The following DNAH5 variants were observed in gnomAD, a reference collection of about 807,000 sequenced individuals.
The protein encoded by DNAH5 is dynein axonemal heavy chain 5, also known as axonemal beta dynein heavy chain 5.
Under a neutral mutation model 518.2 loss-of-function variants are expected in DNAH5, and 372 were observed. The ratio of observed to expected loss-of-function variants is 0.72; its 90% CI spans 0.66 to 0.78. The LOEUF is 0.78. DNAH5 is among the 30% of genes least tolerant of loss of function. The pLI, the probability that DNAH5 is intolerant of heterozygous loss-of-function variation, is 0.00. For synonymous variants in DNAH5, 2,039 were observed against 2,025.9 expected (o/e 1.01, Z -0.17); for missense variants, 5,523 against 5,687.0 (o/e 0.97, Z 0.93).
intron 30 of DNAH5, among the ~76,000 whole-genome samples, chr5:13,852,253 C>T (rs1450993793): frequency 3.9e-5 from 6 of 152,084 alleles, no homozygotes; most frequent in South Asian, 2.1e-4. Context: ...CTGCAACCTC[C>T]GCCTCCCAGG....
rs1482888129 is a variant in DNAH5, at chr5:13,841,839, G to A, written c.5337C>T (p.Val1779=). The change falls in exon 33 of 79, where the codon GTC becomes GTT. Residue 1779 remains valine, a synonymous_variant. Transcript: ENST00000265104. ...AAACTTCCACATTGCCCTCTGCCAT[G>A]ACAGGTTTATCCAATTCAATCGTCT... The part of the protein sequence containing the change: ...EGETIELDKP[V]MAEGNVEVWL... The A allele has an allele frequency of 6.3e-7, 1 of 1,595,542 alleles. No individual in the cohort carries two copies. The highest frequency in any genetic ancestry group is 8.5e-7 in the Non-Finnish European group (1 of 1,173,430).
At chr5:13,805,731 A>G (rs950740019) in intron 47 of DNAH5, among the ~76,000 whole-genome samples, 1 of 152,134 alleles carries the variant, frequency 6.6e-6, no homozygotes. Context: ...ACTTACTTGT[A>G]TCTTTGCAAG....
Position 13,792,227 on chromosome 5 carries a change from G to A in DNAH5, c.8225-10C>T, listed in dbSNP as rs1266452931. On this transcript the variant is annotated splice_polypyrimidine_tract_variant and intron_variant, in intron 49 of 78. Transcript: ENST00000265104. ...CCTACCCCAATCACACCTGAAAAGG[G>A]GGAAATTACAGCATTTTGATTAGCC... 6.2e-7 allele frequency: 1 copy of A among 1,605,668 alleles called. No individual in the cohort carries two copies. Among genetic ancestry groups the A allele is most frequent in the East Asian group, 2.2e-5 (1 of 44,788 alleles).
At chr5:13,778,496 A>G (rs141281823) in intron 53 of DNAH5, among the ~76,000 whole-genome samples, 1,061 of 84,324 alleles carry the variant, frequency 0.013, 30 homozygotes, top group East Asian at 0.019. Context: ...GGAAGGAAGG[A>G]AGGGAGGGAG....
intron 41 of DNAH5, among the ~76,000 whole-genome samples, chr5:13,819,522 C>T (rs908418641): frequency 2.0e-5 from 3 of 152,074 alleles, no homozygotes; most frequent in Non-Finnish European, 2.9e-5. Flanking sequence ...CCTGAAAGCC[C>T]ACCCAGGTAC....
In DNAH5 at chr5:13,829,779, T is replaced by C. The variant is rs145814697; in HGVS notation, c.6250-75A>G. On this transcript the variant is annotated intron_variant, in intron 37 of 78. Coordinates refer to ENST00000265104, the MANE Select transcript of DNAH5 (RefSeq NM_001369.3). The stretch of plus-strand genomic sequence containing the variant: ...CAGCATCATATTAAAAGATTCATTA[T>C]GTACACACAACAAATCTGGAATGAC... 3.0e-3 allele frequency: 4,295 copies of C among 1,425,276 alleles called. 9 individuals carry two copies. Among genetic ancestry groups the C allele is most frequent in the Non-Finnish European group, 3.4e-3 (3,418 of 1,014,456 alleles). 88.3% of individuals were successfully genotyped at this position (1,425,276 alleles called of 1,614,324 possible).
intron 17 of DNAH5, among the ~76,000 whole-genome samples, chr5:13,888,260 T>G (rs1247771733): frequency 6.6e-6 from 1 of 152,178 alleles, no homozygotes; most frequent in East Asian, 1.9e-4. Context: ...TTTCTTCCTC[T>G]CTACTAATTT....
chr5:13,780,753 C>A (rs1754981107), intron 53 of DNAH5, 76 bp downstream of exon 53: 1 of 1,497,836 alleles, frequency 6.7e-7, no homozygotes, highest in Non-Finnish European at 9.3e-7. Context: ...AAGAGAAATG[C>A]ATTTGAACTT....
chr5:13,778,596 A>AAGAAAGAAAGAAAGAAAAAGAAAGAAAG (rs768853052), intron 53 of DNAH5, among the ~76,000 whole-genome samples: 13 of 102,238 alleles, frequency 1.3e-4, no homozygotes, highest in African/African-American at 3.7e-4. Context: ...GAAAGAAAGA[A>AAGAAAGAAAGAAAGAAAAAGAAAGAAAG]AGAGAGAGAG....
intron 47 of DNAH5, among the ~76,000 whole-genome samples, chr5:13,796,343 T>C (rs1178128216): frequency 6.6e-6 from 1 of 152,212 alleles, no homozygotes; most frequent in Non-Finnish European, 1.5e-5. Context: ...ATAAGCAACT[T>C]CAGCAAAGTC....
chr5:13,914,413 G>T, intron 10 of DNAH5, 107 bp downstream of exon 10: 1 of 1,314,940 alleles, frequency 7.6e-7, no homozygotes, highest in Non-Finnish European at 1.1e-6. Context: ...AAGAATCACT[G>T]TTCTTTTTAT....
At chr5:13,754,517 C>G (rs1019212137) in intron 61 of DNAH5, among the ~76,000 whole-genome samples, 179 bp from the exon 62 acceptor site, 5 of 152,092 alleles carry the variant, frequency 3.3e-5, no homozygotes, top group African/African-American at 1.2e-4. Context: ...CTCTCCTTTG[C>G]CCTGTCCTCT....
At chr5:13,722,194 G>C (rs916011142) in intron 70 of DNAH5, among the ~76,000 whole-genome samples, 1 of 152,186 alleles carries the variant, frequency 6.6e-6, no homozygotes. Context: ...AACAGCTTCA[G>C]ATGGAGCTTC....
At chr5:13,918,343 G>A (rs551002234) in intron 7 of DNAH5, among the ~76,000 whole-genome samples, 2 of 152,168 alleles carry the variant, frequency 1.3e-5, no homozygotes, top group East Asian at 3.9e-4. Context: ...TCTTCCCCGC[G>A]TTGAGCCCTA....
chr5:13,966,613 T>A (rs1418587690), intron 1 of DNAH5, among the ~76,000 whole-genome samples: 1 of 152,226 alleles, frequency 6.6e-6, no homozygotes, highest in African/African-American at 2.4e-5. Context: ...TGATCATTAG[T>A]GATGTTGGGC....
chr5:13,769,439 C>A (rs1753004235), intron 57 of DNAH5, 62 bp downstream of exon 57: 1 of 1,309,632 alleles, frequency 7.6e-7, no homozygotes, highest in Admixed American at 1.7e-5. Context: ...ATGCATAGAT[C>A]ATTAACACTT....
intron 25 of DNAH5, 147 bp downstream of exon 25, chr5:13,867,627 T>C (rs1769465178): frequency 2.7e-6 from 2 of 736,418 alleles, no homozygotes; most frequent in Non-Finnish European, 2.4e-6. Context: ...AAAAAAAATG[T>C]TTTTCTCTCA....
In DNAH5 at chr5:13,867,767, G is replaced by C; in HGVS notation, c.4053+7C>G. The C allele has an allele frequency of 1.9e-6, 3 of 1,608,516 alleles. 1 individual carries two copies. In the South Asian group the frequency reaches 3.3e-5, roughly 18 times the overall value. The stretch of plus-strand genomic sequence containing the variant: ...GAAAACGCACACAGAGAAAGCCAGA[G>C]ACATACCAAATCATAGTCCAGATAA... On this transcript the variant is annotated splice_region_variant and intron_variant, in intron 25 of 78. Coordinates refer to ENST00000265104, the MANE Select transcript of DNAH5 (RefSeq NM_001369.3).
intron 1 of DNAH5, among the ~76,000 whole-genome samples, chr5:14,006,267 C>T (rs1481133427): frequency 6.6e-6 from 1 of 152,186 alleles, no homozygotes; most frequent in Non-Finnish European, 1.5e-5. Context: ...ATCCAGTTGA[C>T]ATACCAGCGC....
Sources: gnomAD v4.1 joint callset for allele counts (sites outside exome capture counted in the v4.1 genomes callset) on GRCh38, gnomAD v4.1.1 for gene constraint, MANE v1.5 for transcripts, NCBI Gene and HGNC (gene_info 2026-07-23, HGNC 2026-07-21) for gene names.